The following FRS2 variants were observed in gnomAD, a reference collection of about 807,000 sequenced individuals.
FRS2 encodes the protein FGFR signalling adaptor.
A neutral mutation model predicts 43.9 loss-of-function variants in FRS2; 8 were observed. The ratio of observed to expected loss-of-function variants is 0.18; its 90% CI spans 0.11 to 0.33. The LOEUF (loss-of-function observed/expected upper bound fraction) is 0.33, where lower values mean the gene tolerates loss of function less well. Among genes scored for constraint, FRS2 ranks in the 10% least tolerant of loss-of-function variants. The pLI is 1.00. For missense variants in FRS2, 534 were observed against 627.6 expected, an observed-to-expected ratio of 0.85 and a Z score of 1.59; for synonymous variants, 219 against 220.3, an observed-to-expected ratio of 0.99 and a Z score of 0.05.
In FRS2 at chr12:69,491,270, A is replaced by T. The variant is rs568703458; in HGVS notation, c.-261+20740A>T. Among the ~76,000 whole-genome samples, 155 of 151,966 alleles carry T rather than the reference A, an allele frequency of 1.0e-3. 1 individual carries two copies. The highest frequency in any genetic ancestry group is 5.3e-3 in the Admixed American group (81 of 15,268). ...GCCACCCACCTGCCTAATTTTTTAT[A>T]TTTTTTATAAAGACGAGGTTTTGCC... On this transcript the variant is annotated intron_variant, in intron 1 of 8. Transcript: ENST00000549921.
intron 1 of FRS2, among the ~76,000 whole-genome samples, chr12:69,506,941 C>A (rs1342808400): frequency 6.6e-6 from 1 of 152,072 alleles, no homozygotes; most frequent in Admixed American, 6.6e-5. Flanking sequence ...GGACTGGTAG[C>A]TTTATAAGAA....
intron 3 of FRS2, among the ~76,000 whole-genome samples, chr12:69,554,998 G>A (rs535877515): frequency 6.6e-6 from 1 of 151,388 alleles, no homozygotes; most frequent in Non-Finnish European, 1.5e-5. Context: ...TGTGAACCAC[G>A]TGCTCAGCCC....
rs150240011 is a variant in FRS2, at chr12:69,527,163, C to T, written c.-260-3702C>T. ...ACCAATTATTGTGCTTTGCTCTGGC[C>T]AGCTTATTTTTACTCAATTCTTTTA... On this transcript the variant is annotated intron_variant, in intron 1 of 8. Transcript: ENST00000549921. 3.4e-3 allele frequency among the ~76,000 whole-genome samples: 519 copies of T among 152,022 alleles called. 4 individuals are homozygous for T. Among genetic ancestry groups the T allele is most frequent in the African/African-American group, 0.012 (484 of 41,456 alleles).
chr12:69,574,104 A>T lies in FRS2; in HGVS notation c.676A>T (p.Ser226Cys), dbSNP rs747379608. ...GGCGAGGGTTTCTAACGCTGAAAGC[A>T]GCACACCAAAAGAAGAACCAAGTAG... ...LEARVSNAES[S>C]TPKEEPSSIE... Residue 226 changes from serine to cysteine, a missense_variant, in exon 9 of 9, where the codon AGC becomes TGC. By Grantham distance (112) the Ser-to-Cys change is moderately radical (BLOSUM62 -1). This residue lies in a region of FRS2 where 446 missense variants were observed against 494.2 expected (regional missense o/e 0.90). Transcript: ENST00000549921. 14 of 1,614,080 alleles carry T rather than the reference A, an allele frequency of 8.7e-6. No homozygotes were observed. Among genetic ancestry groups the T allele is most frequent in the Non-Finnish European group, 1.2e-5 (14 of 1,179,966 alleles).
intron 1 of FRS2, among the ~76,000 whole-genome samples, chr12:69,487,301 G>A (rs184675967): frequency 6.6e-6 from 1 of 152,352 alleles, no homozygotes; most frequent in Non-Finnish European, 1.5e-5. Context: ...AAGCTTCAAA[G>A]GACAGGCTGA....
chr12:69,552,534 A>C (rs1343241581), intron 3 of FRS2, among the ~76,000 whole-genome samples: 1 of 152,150 alleles, frequency 6.6e-6, no homozygotes, highest in Non-Finnish European at 1.5e-5. Context: ...AGTAAAGGCC[A>C]GGTACTTAAA....
chr12:69,563,007 A>C (rs1045463149), intron 4 of FRS2, among the ~76,000 whole-genome samples: 19 of 152,134 alleles, frequency 1.2e-4, no homozygotes, highest in African/African-American at 4.6e-4. Flanking sequence ...TTTTGTTCTT[A>C]AATGTACCCT....
chr12:69,540,613 A>C (rs1877817750), intron 3 of FRS2, among the ~76,000 whole-genome samples: 1 of 152,346 alleles, frequency 6.6e-6, no homozygotes, highest in Non-Finnish European at 1.5e-5. Context: ...AAGAACTCCA[A>C]ATAATGTATG....
chr12:69,538,247 T>C (rs186930885), intron 3 of FRS2, among the ~76,000 whole-genome samples: 1,703 of 122,664 alleles, frequency 0.014, 51 homozygotes, highest in African/African-American at 0.052. Flanking sequence ...TATATATATA[T>C]ACATATATAT....
intron 1 of FRS2, among the ~76,000 whole-genome samples, chr12:69,471,029 AT>A (rs1356077821): frequency 2.6e-5 from 4 of 151,954 alleles, no homozygotes; most frequent in Non-Finnish European, 5.9e-5. Context: ...CATGCCAGGG[AT>A]CTTTTGCAGG....
chr12:69,550,950 G>A (rs868806430), intron 3 of FRS2, among the ~76,000 whole-genome samples: 4 of 152,112 alleles, frequency 2.6e-5, no homozygotes, highest in Non-Finnish European at 5.9e-5. Context: ...GCCAGTATTG[G>A]TGAAGAAACA....
At chr12:69,521,716 G>A (rs1478233663) in intron 1 of FRS2, among the ~76,000 whole-genome samples, 2 of 152,050 alleles carry the variant, frequency 1.3e-5, no homozygotes, top group South Asian at 2.1e-4. Context: ...CCGGGTTCAC[G>A]CCATTCTCCT....
chr12:69,564,954 C>G (rs1880165142), intron 4 of FRS2, among the ~76,000 whole-genome samples: 1 of 152,154 alleles, frequency 6.6e-6, no homozygotes, highest in Non-Finnish European at 1.5e-5. Context: ...ATAGAGTCCC[C>G]AAGTAGGTTG....
chr12:69,474,275 C>G (rs577860035), intron 1 of FRS2, among the ~76,000 whole-genome samples: 4 of 152,178 alleles, frequency 2.6e-5, no homozygotes, highest in Admixed American at 1.3e-4. Context: ...TGGAAATGTC[C>G]AAAGGCTTTT....
intron 1 of FRS2, among the ~76,000 whole-genome samples, chr12:69,479,304 G>T (rs570360210): frequency 3.3e-5 from 5 of 150,822 alleles, no homozygotes; most frequent in Admixed American, 6.6e-5. Context: ...GTTCATTATA[G>T]ATTTTATTTC....
intron 5 of FRS2, among the ~76,000 whole-genome samples, chr12:69,569,336 T>A (rs1388069964): frequency 1.3e-5 from 2 of 152,198 alleles, no homozygotes; most frequent in Admixed American, 6.5e-5. Context: ...ATACTGTTTT[T>A]AAAATGCCAT....
chr12:69,516,732 G>GATCAT (rs1410879965), intron 1 of FRS2, among the ~76,000 whole-genome samples: 1 of 152,108 alleles, frequency 6.6e-6, no homozygotes, highest in Non-Finnish European at 1.5e-5. Flanking sequence ...CTTTTAATAT[G>GATCAT]AGAAATGTTA....
At chr12:69,551,969 C>CT (rs1465401990) in intron 3 of FRS2, among the ~76,000 whole-genome samples, 3 of 151,760 alleles carry the variant, frequency 2.0e-5, no homozygotes, top group Admixed American at 1.3e-4. Flanking sequence ...GTTAAATTGA[C>CT]TTTTTTTCTT....
At chr12:69,480,042 C>A (rs559481103) in intron 1 of FRS2, among the ~76,000 whole-genome samples, 1 of 152,254 alleles carries the variant, frequency 6.6e-6, no homozygotes, top group East Asian at 1.9e-4. Context: ...CTACTTCTCT[C>A]TTCAGCTGTG....
Sources: gnomAD v4.1 joint callset for allele counts (sites outside exome capture counted in the v4.1 genomes callset) on GRCh38, gnomAD v4.1.1 for gene constraint, gnomAD v4.1.1 regional missense constraint, MANE v1.5 for transcripts, NCBI Gene and HGNC (gene_info 2026-07-23, HGNC 2026-07-21) for gene names.